INPP4B: variants seen among roughly 807,000 people sequenced by gnomAD.
INPP4B encodes the protein inositol polyphosphate-4-phosphatase type II B, also known as inositol polyphosphate 4-phosphatase type II.
INPP4B carries 55 observed loss-of-function variants against 122.5 expected under a neutral mutation model. The ratio of observed to expected loss-of-function variants is 0.45; its 90% CI spans 0.36 to 0.56. The LOEUF (loss-of-function observed/expected upper bound fraction) is 0.56, where lower values mean the gene tolerates loss of function less well. Ranked by LOEUF, INPP4B falls within the 20% of genes least tolerant of loss-of-function variation. The pLI is 0.00. For missense variants in INPP4B, 1,000 were observed against 1,097.7 expected, an observed-to-expected ratio of 0.91 and a Z score of 1.26; for synonymous variants, 403 against 388.7, an observed-to-expected ratio of 1.04 and a Z score of -0.43.
chr4:142,681,912 T>C (rs551173728), intron 2 of INPP4B, among the ~76,000 whole-genome samples: 1 of 152,010 alleles, frequency 6.6e-6, no homozygotes, highest in Non-Finnish European at 1.5e-5. Flanking sequence ...TATTTCATTA[T>C]GTATACTTAC....
At chr4:142,819,773 T>TAC (rs149996697) in intron 1 of INPP4B, among the ~76,000 whole-genome samples, 4 of 151,806 alleles carry the variant, frequency 2.6e-5, no homozygotes, top group Non-Finnish European at 4.4e-5. Flanking sequence ...CCAGGGAAGT[T>TAC]ACACACACAC....
At chr4:142,328,746 G>GTT (rs5862584) in intron 7 of INPP4B, among the ~76,000 whole-genome samples, 1 of 151,932 alleles carries the variant, frequency 6.6e-6, no homozygotes, top group Non-Finnish European at 1.5e-5. Flanking sequence ...AAATTTTGGA[G>GTT]TTTTTCTTCT....
chr4:142,301,296 T>C (rs1005576247), intron 9 of INPP4B, among the ~76,000 whole-genome samples: 2 of 152,168 alleles, frequency 1.3e-5, no homozygotes, highest in African/African-American at 4.8e-5. Flanking sequence ...CTCTACTATG[T>C]TGCAGGCAGA....
At chr4:142,810,258 T>C (rs768410925) in intron 1 of INPP4B, among the ~76,000 whole-genome samples, 2 of 151,958 alleles carry the variant, frequency 1.3e-5, no homozygotes, top group Non-Finnish European at 2.9e-5. Context: ...GAAGTGTAAA[T>C]TTTATGTTAG....
chr4:142,334,802 G>A (rs1263434575), intron 7 of INPP4B, among the ~76,000 whole-genome samples: 2 of 151,972 alleles, frequency 1.3e-5, no homozygotes, highest in Non-Finnish European at 2.9e-5. Context: ...TGAATTATTT[G>A]TTGTTGTTGT....
intron 7 of INPP4B, among the ~76,000 whole-genome samples, chr4:142,330,933 G>A (rs1314560434): frequency 6.6e-6 from 1 of 152,166 alleles, no homozygotes; most frequent in Non-Finnish European, 1.5e-5. Flanking sequence ...AACAAGAGAA[G>A]CAAGCAGTAT....
At chr4:142,208,754 A>T in intron 13 of INPP4B, 142 bp downstream of exon 13, 1 of 617,776 alleles carries the variant, frequency 1.6e-6, no homozygotes, top group Non-Finnish European at 2.5e-6. Context: ...TCTTTGTTTT[A>T]AGATGTTAAA....
chr4:142,710,094 A>C (rs1484225093), intron 2 of INPP4B, among the ~76,000 whole-genome samples: 1 of 152,206 alleles, frequency 6.6e-6, no homozygotes, highest in Non-Finnish European at 1.5e-5. Flanking sequence ...CAGCATAGTT[A>C]ATTCCTTCTG....
chr4:142,250,715 C>A (rs1731557130), intron 11 of INPP4B, among the ~76,000 whole-genome samples: 1 of 151,810 alleles, frequency 6.6e-6, no homozygotes, highest in Non-Finnish European at 1.5e-5. Context: ...TTCATTTAGT[C>A]TCATCTTCCC....
chr4:142,538,630 T>A lies in INPP4B; in HGVS notation c.-190-75904A>T, dbSNP rs140297471. On this transcript the variant is annotated intron_variant, in intron 2 of 25. Transcript: ENST00000262992. Reference sequence around the variant, plus strand: ...ATGCTAAATATTATCTTAAAGTAATTTGAAGTGTTCTCTTATGAACACTGA... The same window carrying A: ...ATGCTAAATATTATCTTAAAGTAATATGAAGTGTTCTCTTATGAACACTGA... Among the ~76,000 whole-genome samples the A allele has an allele frequency of 6.3e-3, 952 of 152,202 alleles. 23 individuals are homozygous for A. Among genetic ancestry groups the A allele is most frequent in the Admixed American group, 0.031 (479 of 15,278 alleles).
At position 142,208,408 on chromosome 4, in the gene INPP4B, A is replaced by G; in HGVS notation, c.1072+17T>C. 7.2e-7 allele frequency: 1 copy of G among 1,389,098 alleles called. No individual in the cohort carries two copies. Among genetic ancestry groups the G allele is most frequent in the Non-Finnish European group, 1.0e-6 (1 of 998,690 alleles). 86.0% of individuals were successfully genotyped at this position (1,389,098 alleles called of 1,614,324 possible). ...TGTAACATAATTTGCTATTTTTAAAAGAATAATTTATGATACCTTTCAAGT... is the reference window on the plus strand; with the variant it reads ...TGTAACATAATTTGCTATTTTTAAAGGAATAATTTATGATACCTTTCAAGT... On this transcript the variant is annotated intron_variant, in intron 14 of 25. Transcript: ENST00000262992.
intron 2 of INPP4B, among the ~76,000 whole-genome samples, chr4:142,558,615 A>T (rs2150109107): frequency 6.6e-6 from 1 of 151,362 alleles, no homozygotes; most frequent in Admixed American, 6.6e-5. Flanking sequence ...TTAACACAAG[A>T]TACATTTATT....
At position 142,094,606 on chromosome 4, in the gene INPP4B, C is replaced by A. The variant is rs936398269; in HGVS notation, c.2375-8350G>T. ...AAGGTCAGATGACAGCCCAGGGAGGCAGACACATAACCAGCCCTTCTCCAA... is the reference window on the plus strand; with the variant it reads ...AAGGTCAGATGACAGCCCAGGGAGGAAGACACATAACCAGCCCTTCTCCAA... On this transcript the variant is annotated intron_variant, in intron 23 of 25. Transcript: ENST00000262992. 1.3e-5 allele frequency among the ~76,000 whole-genome samples: 2 copies of A among 152,274 alleles called. 1 individual carries two copies. Among genetic ancestry groups the A allele is most frequent in the African/African-American group, 4.8e-5 (2 of 41,568 alleles).
intron 15 of INPP4B, among the ~76,000 whole-genome samples, chr4:142,186,586 C>A (rs1833297024): frequency 6.6e-6 from 1 of 152,158 alleles, no homozygotes; most frequent in Non-Finnish European, 1.5e-5. Flanking sequence ...AAGACGAAAT[C>A]TTGCTGCAAA....
chr4:142,509,869 T>C (rs1824489124), intron 2 of INPP4B, among the ~76,000 whole-genome samples: 1 of 152,124 alleles, frequency 6.6e-6, no homozygotes, highest in Admixed American at 6.6e-5. Flanking sequence ...TAACCCAGTA[T>C]CTGACTTACA....
chr4:142,222,719 C>A (rs181047915), intron 12 of INPP4B, among the ~76,000 whole-genome samples: 1 of 152,282 alleles, frequency 6.6e-6, no homozygotes, highest in East Asian at 1.9e-4. Context: ...CCAAACACAC[C>A]AGCTTTCTGG....
At chr4:142,578,184 C>T (rs142103547) in intron 2 of INPP4B, among the ~76,000 whole-genome samples, 95 of 152,106 alleles carry the variant, frequency 6.2e-4, no homozygotes, top group African/African-American at 2.0e-3. Context: ...GGGCATCAGG[C>T]TGAGATTGGC....
chr4:142,554,138 G>C (rs182245780), intron 2 of INPP4B, among the ~76,000 whole-genome samples: 1 of 143,344 alleles, frequency 7.0e-6, no homozygotes, highest in Non-Finnish European at 1.5e-5. Flanking sequence ...GCAGTGAGCC[G>C]ATATTGCCCA....
chr4:142,830,651 G>A (rs1004784784), intron 1 of INPP4B, among the ~76,000 whole-genome samples: 1 of 151,966 alleles, frequency 6.6e-6, no homozygotes, highest in African/African-American at 2.4e-5. Context: ...TGAGACTGCA[G>A]GAGGAAACAG....
Sources: gnomAD v4.1 joint callset for allele counts (sites outside exome capture counted in the v4.1 genomes callset) on GRCh38, gnomAD v4.1.1 for gene constraint, MANE v1.5 for transcripts, NCBI Gene and HGNC (gene_info 2026-07-23, HGNC 2026-07-21) for gene names.